Variants in SMAD4 observed in about 807,000 individuals in gnomAD.
The protein encoded by SMAD4 is SMAD family member 4, also known as MAD homolog 4.
SMAD4 carries 7 observed loss-of-function variants against 63.2 expected under a neutral mutation model. The ratio of observed to expected loss-of-function variants is 0.11; its 90% CI spans 0.06 to 0.21. The LOEUF is 0.21. SMAD4 is among the 10% of genes least tolerant of loss of function. The pLI is 1.00. For synonymous variants in SMAD4, 215 were observed against 235.4 expected (o/e 0.91, Z 0.79); for missense variants, 312 against 693.8 (o/e 0.45, Z 6.18).
intron 10 of SMAD4, among the ~76,000 whole-genome samples, chr18:51,073,573 C>T (rs887601798): frequency 6.6e-6 from 1 of 151,698 alleles, no homozygotes; most frequent in Admixed American, 6.6e-5. Context: ...CTCTGTTGCC[C>T]AGGCTGGAGT....
intron 10 of SMAD4, among the ~76,000 whole-genome samples, chr18:51,074,449 A>G (rs1273570132): frequency 2.0e-5 from 3 of 152,222 alleles, no homozygotes; most frequent in Non-Finnish European, 4.4e-5. Flanking sequence ...AGCATCATAA[A>G]TGTGTACAAA....
rs545968890 is a variant in SMAD4 at position 51,080,850 on chromosome 18, C to T, written c.*2383C>T. ...GCCACTGTCCCTGGCCTCATTGTTC[C>T]CTTTTCTACTTTAAGGAAAGTTTTC... On this transcript the variant is annotated 3_prime_UTR_variant, in exon 12 of 12. Coordinates refer to ENST00000342988, the MANE Select transcript of SMAD4 (RefSeq NM_005359.6). 1 of 179,552 alleles carries T rather than the reference C, an allele frequency of 5.6e-6. No homozygotes were observed. Among genetic ancestry groups the T allele is most frequent in the East Asian group, 9.3e-5 (1 of 10,776 alleles). 11.1% of individuals were successfully genotyped at this position (179,552 alleles called of 1,614,324 possible).
rs1351143810 is a variant in SMAD4 at position 51,079,685 on chromosome 18, T to C, written c.*1218T>C. 2 of 233,374 alleles carry C rather than the reference T, an allele frequency of 8.6e-6. No individual in the cohort carries two copies. The highest frequency in any genetic ancestry group is 2.2e-5 in the African/African-American group (1 of 45,358). 14.5% of individuals were successfully genotyped at this position (233,374 alleles called of 1,614,324 possible). Reference sequence around the variant, plus strand: ...AGTGACTTTGTATAGAGAATTTAAGTAGAAAAGTTGCAGATGTATTGACTG... The same window carrying C: ...AGTGACTTTGTATAGAGAATTTAAGCAGAAAAGTTGCAGATGTATTGACTG... On this transcript the variant is annotated 3_prime_UTR_variant, in exon 12 of 12. Transcript: ENST00000342988.
Position 51,083,663 on chromosome 18 carries a change from A to G in SMAD4, c.*5196A>G, listed in dbSNP as rs74878872. The G allele has an allele frequency of 1.3e-5, 3 of 227,294 alleles. No homozygotes were observed. Among genetic ancestry groups the G allele is most frequent in the Non-Finnish European group, 2.6e-5 (3 of 114,450 alleles). 14.1% of individuals were successfully genotyped at this position (227,294 alleles called of 1,614,324 possible). Reference sequence around the variant, plus strand: ...ACTCTCTAGTTTGCCCTCTGCCACAAATTTGATGTGTGACCTTTGGGCAAG... The same window carrying G: ...ACTCTCTAGTTTGCCCTCTGCCACAGATTTGATGTGTGACCTTTGGGCAAG... On this transcript the variant is annotated 3_prime_UTR_variant, in exon 12 of 12. Coordinates refer to ENST00000342988, the MANE Select transcript of SMAD4 (RefSeq NM_005359.6).
rs2144429398 is a variant in SMAD4, at chr18:51,058,445, C to A, written c.893C>A (p.Pro298His). Residue 298 changes from proline (P) to histidine (H), a missense_variant, in exon 7 of 12, where the codon CCC becomes CAC. Physicochemically the swap from Pro to His is moderately conservative, Grantham distance 77. Transcript: ENST00000342988. ...LQHHPPMPPH[P>H]GHYWPVHNEL... ...CACCACCCGCCTATGCCGCCCCATC[C>A]CGGACATTACTGTAAGCTCTTGTTT... 6.2e-7 allele frequency: 1 copy of A among 1,612,306 alleles called. No homozygotes were observed. The highest frequency in any genetic ancestry group is 8.5e-7 in the Non-Finnish European group (1 of 1,178,630).
At position 51,066,950 on chromosome 18, in the gene SMAD4, A is replaced by G. The variant is rs1282198891; in HGVS notation, c.1140-69A>G. On this transcript the variant is annotated intron_variant, in intron 9 of 11. Transcript: ENST00000342988. ...AATTTTTCAATATTAAGCATGCTAT[A>G]CAATCTGAACTAAAATTTAATTTAA... The G allele has an allele frequency of 2.4e-5, 29 of 1,223,504 alleles. No individual in the cohort carries two copies. In the East Asian group the frequency reaches 3.2e-4, roughly 14 times the overall value. The allele number at this position is 1,223,504 out of a possible 1,614,324, so 75.8% of individuals were successfully genotyped here. A position where few individuals can be genotyped will look rare whatever the true frequency, so the allele number is the denominator to read the frequency against.
chr18:51,035,020 A>G (rs1909163038), intron 1 of SMAD4, among the ~76,000 whole-genome samples: 1 of 152,158 alleles, frequency 6.6e-6, no homozygotes, highest in Non-Finnish European at 1.5e-5. Flanking sequence ...GAACTGTTTC[A>G]CTTGTGTTAG....
intron 7 of SMAD4, among the ~76,000 whole-genome samples, chr18:51,058,985 T>A (rs555163472): frequency 6.6e-6 from 1 of 152,268 alleles, no homozygotes; most frequent in Non-Finnish European, 1.5e-5. Flanking sequence ...ATACATTAAA[T>A]CCCTTTCTTC....
At chr18:51,074,319 A>G (rs1443911961) in intron 10 of SMAD4, among the ~76,000 whole-genome samples, 1 of 152,064 alleles carries the variant, frequency 6.6e-6, no homozygotes, top group African/African-American at 2.4e-5. Flanking sequence ...GTTCAAGACT[A>G]GCTTGGGCAA....
At chr18:51,063,218 G>A (rs1453699738) in intron 8 of SMAD4, among the ~76,000 whole-genome samples, 1 of 151,894 alleles carries the variant, frequency 6.6e-6, no homozygotes, top group Non-Finnish European at 1.5e-5. Flanking sequence ...GACTGATTGT[G>A]TAAAGACCAC....
At chr18:51,032,071 T>C (rs1440330755) in intron 1 of SMAD4, among the ~76,000 whole-genome samples, 1 of 152,208 alleles carries the variant, frequency 6.6e-6, no homozygotes, top group African/African-American at 2.4e-5. Context: ...ACAAATGTAA[T>C]AGAGATGGAC....
intron 10 of SMAD4, among the ~76,000 whole-genome samples, chr18:51,072,957 T>C (rs1324441413): frequency 6.6e-6 from 1 of 152,168 alleles, no homozygotes; most frequent in East Asian, 1.9e-4. Context: ...ATCAATGGAT[T>C]AGTTACAGTG....
chr18:51,040,835 A>G (rs948120322), intron 1 of SMAD4, among the ~76,000 whole-genome samples: 4 of 152,224 alleles, frequency 2.6e-5, no homozygotes, highest in South Asian at 2.1e-4. Context: ...GACTGCATCT[A>G]ATACCTGTAT....
chr18:51,046,734 T>TA (rs969772936), intron 1 of SMAD4, among the ~76,000 whole-genome samples, 186 bp from the exon 2 acceptor site: 8 of 152,218 alleles, frequency 5.3e-5, no homozygotes, highest in Admixed American at 5.2e-4. Flanking sequence ...ATTTTATTTT[T>TA]AAAAATTATT....
chr18:51,047,503 A>T (rs965974167), intron 2 of SMAD4, among the ~76,000 whole-genome samples: 1 of 152,248 alleles, frequency 6.6e-6, no homozygotes, highest in Non-Finnish European at 1.5e-5. Context: ...ACTCAGAAAA[A>T]TGTTCAATGG....
chr18:51,051,338 T>C (rs1166380473), intron 4 of SMAD4: 1 of 456,072 alleles, frequency 2.2e-6, no homozygotes, highest in Non-Finnish European at 4.4e-6. Context: ...CTGTCTTCAG[T>C]GTCTTATTTC....
intron 9 of SMAD4, among the ~76,000 whole-genome samples, chr18:51,066,014 G>T (rs1910140071): frequency 6.6e-6 from 1 of 151,632 alleles, no homozygotes; most frequent in South Asian, 2.1e-4. Context: ...AGTAAATTAT[G>T]ATAAATTTTT....
Position 51,045,260 on chromosome 18 carries a change from G to A in SMAD4, c.-127-1660G>A, listed in dbSNP as rs572892012. ...GATACTTTAACAAAGGTCTTCAGAAGAGGAAGAGATTTTGGTAGAATGATG... is the reference window on the plus strand; with the variant it reads ...GATACTTTAACAAAGGTCTTCAGAAAAGGAAGAGATTTTGGTAGAATGATG... On this transcript the variant is annotated intron_variant, in intron 1 of 11. Coordinates refer to ENST00000342988, the MANE Select transcript of SMAD4 (RefSeq NM_005359.6). Among the ~76,000 whole-genome samples the A allele has an allele frequency of 9.8e-5, 15 of 152,346 alleles. No individual in the cohort carries two copies. The East Asian group carries it at 2.5e-3, about 25-fold the overall frequency.
intron 10 of SMAD4, among the ~76,000 whole-genome samples, chr18:51,076,092 G>A (rs1424591916): frequency 6.6e-6 from 1 of 152,048 alleles, no homozygotes; most frequent in Non-Finnish European, 1.5e-5. Flanking sequence ...TTTTGTTGTT[G>A]TTGTTTCTTA....
Sources: gnomAD v4.1 joint callset for allele counts (sites outside exome capture counted in the v4.1 genomes callset) on GRCh38, gnomAD v4.1.1 for gene constraint, MANE v1.5 for transcripts, NCBI Gene and HGNC (gene_info 2026-07-23, HGNC 2026-07-21) for gene names.